SFI1: variants seen among roughly 807,000 people sequenced by gnomAD.
The protein encoded by SFI1 is SFI1 centrin binding protein, also known as protein SFI1 homolog.
SFI1 carries 195 observed loss-of-function variants against 207.5 expected under a neutral mutation model. The ratio of observed to expected loss-of-function variants is 0.94; its 90% confidence interval spans 0.84 to 1.06. The LOEUF is 1.06. SFI1 is among the 50% of genes least tolerant of loss of function. The pLI, the probability that SFI1 is intolerant of heterozygous loss-of-function variation, is 0.00. For missense variants in SFI1, 1,634 were observed against 1,588.0 expected (o/e 1.03, Z -0.49); for synonymous variants, 630 against 598.9 (o/e 1.05, Z -0.76).
chr22:31,607,099 C>T (rs937825269), intron 21 of SFI1, among the ~76,000 whole-genome samples: 2 of 152,024 alleles, frequency 1.3e-5, no homozygotes, highest in Non-Finnish European at 1.5e-5. Context: ...CCGAAGCTAG[C>T]CTGTGCCTCC....
rs10154415 is a variant in SFI1 at position 31,576,103 on chromosome 22, C to T, written c.1084+711C>T. 8.9e-3 allele frequency among the ~76,000 whole-genome samples: 1,344 copies of T among 151,720 alleles called. 26 individuals are homozygous for T. The highest frequency in any genetic ancestry group is 0.03 in the African/African-American group (1,235 of 41,318). On this transcript the variant is annotated intron_variant, in intron 10 of 32. Coordinates refer to ENST00000400288, the MANE Select transcript of SFI1 (RefSeq NM_001007467.3). ...GCAGTGGTACAATCTCGGCTCACTGCAATCTCCGCCTCCCAGGTTCAAGCG... is the reference window on the plus strand; with the variant it reads ...GCAGTGGTACAATCTCGGCTCACTGTAATCTCCGCCTCCCAGGTTCAAGCG...
At chr22:31,609,019 A>T (rs1219254959) in intron 22 of SFI1, among the ~76,000 whole-genome samples, 1 of 151,696 alleles carries the variant, frequency 6.6e-6, no homozygotes, top group Non-Finnish European at 1.5e-5. Flanking sequence ...CTTTTTTGAG[A>T]CAGAGTCTCA....
In SFI1 at chr22:31,610,528, G is replaced by T. The variant is rs533857027; in HGVS notation, c.2255-615G>T. ...GCCCTGCTCTCAACCCTGTTCTGTT[G>T]TCTCAAAAAGAAAGTTCTCTCAGGG... On this transcript the variant is annotated intron_variant, in intron 22 of 32. Coordinates refer to ENST00000400288, the MANE Select transcript of SFI1 (RefSeq NM_001007467.3). 3.9e-5 allele frequency among the ~76,000 whole-genome samples: 6 copies of T among 152,312 alleles called. No individual in the cohort carries two copies. In the South Asian group the frequency reaches 1.2e-3, roughly 32 times the overall value.
At position 31,613,499 on chromosome 22, in the gene SFI1, G is replaced by A. The variant is rs769526574; in HGVS notation, c.2711G>A (p.Arg904Gln). The A allele has an allele frequency of 6.3e-6, 10 of 1,593,064 alleles. No individual in the cohort carries two copies. Among genetic ancestry groups the A allele is most frequent in the East Asian group, 2.2e-5 (1 of 44,542 alleles). ...LRFAASMKAS[R>Q]QQLQAQQQVQ... ...TTTGCAGCCAGCATGAAGGCCTCCCGGCAGCAGCTGCAGGCCCAGCAGCAG... is the reference window on the plus strand; with the variant it reads ...TTTGCAGCCAGCATGAAGGCCTCCCAGCAGCAGCTGCAGGCCCAGCAGCAG... Residue 904 changes from arginine (R) to glutamine (Q), a missense_variant, in exon 26 of 33, where the codon CGG becomes CAG. Coordinates refer to ENST00000400288, the MANE Select transcript of SFI1 (RefSeq NM_001007467.3).
chr22:31,556,123 G>T (rs1423068146), intron 6 of SFI1, among the ~76,000 whole-genome samples: 1 of 151,642 alleles, frequency 6.6e-6, no homozygotes, highest in Admixed American at 6.6e-5. Context: ...AAAAGAGTGA[G>T]CTTGGAGTCA....
At chr22:31,612,398 A>ATATATATATATAT (rs1411274365) in intron 24 of SFI1, 1 of 60,202 alleles carries the variant, frequency 1.7e-5, no homozygotes, top group African/African-American at 6.6e-5. Flanking sequence ...AAAAAAAAAA[A>ATATATATATATAT]ATATATATAT....
At chr22:31,575,622 C>G (rs921194750) in intron 10 of SFI1, among the ~76,000 whole-genome samples, 2 of 152,076 alleles carry the variant, frequency 1.3e-5, no homozygotes, top group South Asian at 4.1e-4. Flanking sequence ...ATCTTATCAC[C>G]CAACTTTCAA....
intron 6 of SFI1, among the ~76,000 whole-genome samples, chr22:31,556,226 CT>C (rs564804510): frequency 0.049 from 6,780 of 139,634 alleles, 109 homozygotes; most frequent in African/African-American, 0.059. Context: ...TTTTTCTTTT[CT>C]TTTTTTTTTT....
rs60447566 is a variant in SFI1 at position 31,568,531 on chromosome 22, CAAA to C, written c.766-4504_766-4502del. ...TGGGCGACAGGGTGAGACCCTGTCTCAAAAAAAAAAAAAAAAAAAAAAAAAGCA... is the reference window on the plus strand; with the variant it reads ...TGGGCGACAGGGTGAGACCCTGTCTCAAAAAAAAAAAAAAAAAAAAAAGCA... On this transcript the variant is annotated intron_variant, in intron 8 of 32. Transcript: ENST00000400288. Among the ~76,000 whole-genome samples the C allele has an allele frequency of 8.0e-5, 3 of 37,428 alleles. No individual in the cohort carries two copies. In the Admixed American group the frequency reaches 1.1e-3, roughly 13 times the overall value. 24.6% of individuals were successfully genotyped at this position (37,428 alleles called of 152,430 possible). A position where few individuals can be genotyped will look rare whatever the true frequency, so the allele number is the denominator to read the frequency against.
At chr22:31,523,848 A>G (rs1011765421) in intron 2 of SFI1, among the ~76,000 whole-genome samples, 4 of 151,676 alleles carry the variant, frequency 2.6e-5, no homozygotes, top group South Asian at 2.1e-4. Context: ...CTACTATTCT[A>G]CTCTTTAATT....
chr22:31,585,846 TTG>T (rs2064965006), intron 14 of SFI1, among the ~76,000 whole-genome samples: 1 of 152,182 alleles, frequency 6.6e-6, no homozygotes, highest in African/African-American at 2.4e-5. Flanking sequence ...GCATCTGCCA[TTG>T]TGAGAAGTGC....
At chr22:31,617,848 G>T (rs999390203) in intron 31 of SFI1, among the ~76,000 whole-genome samples, 2 of 152,174 alleles carry the variant, frequency 1.3e-5, no homozygotes, top group African/African-American at 4.8e-5. Context: ...CCTTGGCTCT[G>T]CACAGGGGGA....
chr22:31,604,255 C>A, intron 18 of SFI1, 54 bp from the exon 19 acceptor site: 1 of 1,421,840 alleles, frequency 7.0e-7, no homozygotes, highest in East Asian at 2.5e-5. Flanking sequence ...AAGCAGGAAG[C>A]CACCCCCAAC....
chr22:31,578,143 G>A (rs988441098), intron 10 of SFI1: 32 of 328,100 alleles, frequency 9.8e-5, no homozygotes, highest in South Asian at 1.5e-4. Flanking sequence ...TATTTTTTGC[G>A]TCTCATCTCA....
chr22:31,584,057 A>C, intron 13 of SFI1, 85 bp downstream of exon 13: 1 of 1,128,450 alleles, frequency 8.9e-7, no homozygotes, highest in Non-Finnish European at 1.3e-6. Context: ...TTGCCCTTCT[A>C]TGCGTTAGTG....
chr22:31,508,548 C>G (rs921457932), intron 2 of SFI1, among the ~76,000 whole-genome samples, 172 bp downstream of exon 2: 1 of 152,034 alleles, frequency 6.6e-6, no homozygotes, highest in African/African-American at 2.4e-5. Context: ...ACATTTCGTA[C>G]ATTATGTTAC....
chr22:31,614,149 C>A (rs2070921002), intron 27 of SFI1: 1 of 434,746 alleles, frequency 2.3e-6, no homozygotes. Context: ...CTGACACGAT[C>A]TTTTCCGGAG....
chr22:31,503,846 C>T (rs1156556476), intron 1 of SFI1, among the ~76,000 whole-genome samples: 2 of 151,852 alleles, frequency 1.3e-5, no homozygotes, highest in Non-Finnish European at 2.9e-5. Flanking sequence ...GCTTCGGCCT[C>T]CCAAAGTTCT....
rs190912826 is a variant in SFI1, at chr22:31,518,021, C to T, written c.92+9645C>T. On this transcript the variant is annotated intron_variant, in intron 2 of 32. Coordinates refer to ENST00000400288, the MANE Select transcript of SFI1 (RefSeq NM_001007467.3). ...TTGTTTGTTTGTTTTTTAAGACAGT[C>T]TTCCTCTGTCGCCCAGCAGGAGTGG... Among the ~76,000 whole-genome samples, 197 of 152,270 alleles carry T rather than the reference C, an allele frequency of 1.3e-3. 1 individual carries two copies. Among genetic ancestry groups the T allele is most frequent in the South Asian group, 0.012 (56 of 4,828 alleles).
Sources: gnomAD v4.1 joint callset for allele counts (sites outside exome capture counted in the v4.1 genomes callset) on GRCh38, gnomAD v4.1.1 for gene constraint, MANE v1.5 for transcripts, NCBI Gene and HGNC (gene_info 2026-07-23, HGNC 2026-07-21) for gene names.